The following RAD23B variants were observed in gnomAD, a reference collection of about 807,000 sequenced individuals.
RAD23B encodes RAD23 nucleotide excision repair protein B.
RAD23B carries 5 observed loss-of-function variants against 49.1 expected under a neutral mutation model. The ratio of observed to expected loss-of-function variants is 0.10; its 90% confidence interval spans 0.05 to 0.21. The LOEUF is 0.21. RAD23B is among the 10% of genes least tolerant of loss of function. The pLI is 1.00. For synonymous variants in RAD23B, 184 were observed against 165.4 expected (o/e 1.11, Z -0.86); for missense variants, 356 against 486.7 (o/e 0.73, Z 2.53).
In RAD23B at chr9:107,331,817, G is replaced by T. The variant is rs958753049; in HGVS notation, c.*2161G>T. ...AGACAGCTCAGGCCAAGTTTTGATC[G>T]TTCCATACAGTACCTTGTTTATCTG... On this transcript the variant is annotated 3_prime_UTR_variant, in exon 10 of 10. Transcript: ENST00000358015. 8.2e-6 allele frequency: 6 copies of T among 734,578 alleles called. No homozygotes were observed. The African/African-American group carries it at 1.1e-4, about 13-fold the overall frequency. 45.5% of individuals were successfully genotyped at this position (734,578 alleles called of 1,614,324 possible).
chr9:107,306,940 G>A (rs1826793016), intron 4 of RAD23B, among the ~76,000 whole-genome samples: 1 of 151,344 alleles, frequency 6.6e-6, no homozygotes, highest in African/African-American at 2.4e-5. Context: ...GAAACGTTAG[G>A]AAATACAAAT....
chr9:107,296,864 T>C (rs1826536317), intron 1 of RAD23B, among the ~76,000 whole-genome samples: 1 of 151,490 alleles, frequency 6.6e-6, no homozygotes, highest in South Asian at 2.1e-4. Flanking sequence ...TTGCTTTTTT[T>C]TTTTTTTTTG....
chr9:107,301,967 G>C (rs962356590), intron 2 of RAD23B, 68 bp from the exon 3 acceptor site: 8 of 1,556,036 alleles, frequency 5.1e-6, no homozygotes, highest in African/African-American at 1.4e-5. Flanking sequence ...CGAGTAGAAA[G>C]TTGTTTTAAC....
intron 4 of RAD23B, among the ~76,000 whole-genome samples, chr9:107,309,999 C>T (rs533560010): frequency 6.0e-5 from 9 of 150,946 alleles, no homozygotes; most frequent in East Asian, 5.8e-4. Flanking sequence ...TGTGTCTTAC[C>T]GGATTTTAAA....
At position 107,330,045 on chromosome 9, in the gene RAD23B, A is replaced by G. The variant is rs1827279890; in HGVS notation, c.*389A>G. The G allele has an allele frequency of 6.5e-6, 1 of 153,530 alleles. No homozygotes were observed. Among genetic ancestry groups the G allele is most frequent in the African/African-American group, 2.4e-5 (1 of 41,498 alleles). The allele number at this position is 153,530 out of a possible 1,614,324, so 9.5% of individuals were successfully genotyped here. A position where few individuals can be genotyped will look rare whatever the true frequency, so the allele number is the denominator to read the frequency against. ...GTTTCAGAAAGAATCTTAGCTACCT[A>G]GAATTTACAGTCTCTGTTTCATGGC... On this transcript the variant is annotated 3_prime_UTR_variant, in exon 10 of 10. Coordinates refer to ENST00000358015, the MANE Select transcript of RAD23B (RefSeq NM_002874.5). The surrounding 1 kb of genome is among the most constrained non-coding windows in gnomAD (Gnocchi z 4.4).
intron 7 of RAD23B, among the ~76,000 whole-genome samples, 187 bp from the exon 8 acceptor site, chr9:107,323,703 T>A (rs189743343): frequency 1.3e-5 from 2 of 152,294 alleles, no homozygotes; most frequent in East Asian, 3.9e-4. Context: ...ATAGGAGTAA[T>A]TTTTGCCGTA....
At chr9:107,317,528 A>G (rs1827020754) in intron 5 of RAD23B, among the ~76,000 whole-genome samples, 1 of 152,028 alleles carries the variant, frequency 6.6e-6, no homozygotes, top group Admixed American at 6.6e-5. Context: ...TGGTTCCTCA[A>G]AGAGGAATTA....
At chr9:107,329,483 T>G (rs1303099745) in intron 9 of RAD23B, 60 bp from the exon 10 acceptor site, 1 of 1,088,210 alleles carries the variant, frequency 9.2e-7, no homozygotes, top group Non-Finnish European at 1.4e-6. Context: ...AATATGTAAA[T>G]AAAATTAAAT....
At chr9:107,322,314 T>C (rs1436896870) in intron 7 of RAD23B, among the ~76,000 whole-genome samples, 196 bp downstream of exon 7, 2 of 152,264 alleles carry the variant, frequency 1.3e-5, no homozygotes, top group Admixed American at 6.5e-5. Context: ...CTTGCTGATA[T>C]TAAACATCAG....
intron 1 of RAD23B, among the ~76,000 whole-genome samples, chr9:107,295,589 C>T (rs1016753278): frequency 1.3e-5 from 2 of 152,128 alleles, no homozygotes; most frequent in Non-Finnish European, 2.9e-5. Context: ...GCAGACAGTA[C>T]GAGAGGATGC....
rs945015121 is a variant in RAD23B, at chr9:107,318,332, A to G, written c.554-420A>G. 2.6e-5 allele frequency among the ~76,000 whole-genome samples: 4 copies of G among 152,074 alleles called. No homozygotes were observed. The highest frequency in any genetic ancestry group is 9.7e-5 in the African/African-American group (4 of 41,392). On this transcript the variant is annotated intron_variant, in intron 5 of 9. Coordinates refer to ENST00000358015, the MANE Select transcript of RAD23B (RefSeq NM_002874.5). The surrounding 1 kb of genome is among the most constrained non-coding windows in gnomAD (Gnocchi z 4.3). The stretch of plus-strand genomic sequence containing the variant: ...CTGGTAGCCCCTTTCTGCATCTTCA[A>G]AGGCAACAGCATAACATCTCTCATC...
chr9:107,331,999 A>G lies in RAD23B; in HGVS notation c.*2343A>G. Reference sequence around the variant, plus strand: ...TTCGAGGTATACTGTCATTTCTTGAAATCTTTTTCTCGTTTAGTTGCTCTG... The same window carrying G: ...TTCGAGGTATACTGTCATTTCTTGAGATCTTTTTCTCGTTTAGTTGCTCTG... On this transcript the variant is annotated 3_prime_UTR_variant, in exon 10 of 10. Transcript: ENST00000358015. 1 of 388,466 alleles carries G rather than the reference A, an allele frequency of 2.6e-6. No individual in the cohort carries two copies. The highest frequency in any genetic ancestry group is 1.2e-4 in the South Asian group (1 of 8,376). The allele number at this position is 388,466 out of a possible 1,614,324, so 24.1% of individuals were successfully genotyped here.
Position 107,331,825 on chromosome 9 carries a change from C to CT in RAD23B, c.*2169_*2170insT. 1.5e-6 allele frequency: 1 copy of CT among 688,726 alleles called. No individual in the cohort carries two copies. The highest frequency in any genetic ancestry group is 2.3e-5 in the Admixed American group (1 of 43,706). 42.7% of individuals were successfully genotyped at this position (688,726 alleles called of 1,614,324 possible). ...CAGGCCAAGTTTTGATCGTTCCATA[C>CT]AGTACCTTGTTTATCTGCTTCTTAA... is the stretch of plus-strand genomic sequence containing the variant. On this transcript the variant is annotated 3_prime_UTR_variant, in exon 10 of 10. Coordinates refer to ENST00000358015, the MANE Select transcript of RAD23B (RefSeq NM_002874.5).
chr9:107,301,994 GATT>G (rs1184028412), intron 2 of RAD23B, 38 bp from the exon 3 acceptor site: 1 of 1,600,630 alleles, frequency 6.2e-7, no homozygotes, highest in Non-Finnish European at 8.5e-7. Flanking sequence ...GTAAGAGAAA[GATT>G]ATGCCTTAAA....
At chr9:107,306,110 ATTAAC>A (rs1297064452) in intron 3 of RAD23B, among the ~76,000 whole-genome samples, 1 of 130,524 alleles carries the variant, frequency 7.7e-6, no homozygotes, top group African/African-American at 2.7e-5. Flanking sequence ...TTTATTTTAT[ATTAAC>A]TTGATATGAA....
At chr9:107,328,128 A>T (rs1006531916) in intron 9 of RAD23B, among the ~76,000 whole-genome samples, 4 of 152,016 alleles carry the variant, frequency 2.6e-5, no homozygotes, top group Non-Finnish European at 5.9e-5. Context: ...CCTTTACTTC[A>T]CCTATCCTAG....
At chr9:107,284,713 C>T (rs1833239562) in intron 1 of RAD23B, 1 of 1,119,782 alleles carries the variant, frequency 8.9e-7, no homozygotes, top group South Asian at 2.2e-5. Flanking sequence ...AAGTTTAAAC[C>T]AGCAGCTTTC....
chr9:107,307,505 A>G (rs761901694), intron 4 of RAD23B, among the ~76,000 whole-genome samples: 5 of 152,202 alleles, frequency 3.3e-5, no homozygotes, highest in African/African-American at 4.8e-5. Flanking sequence ...AGCTGTTTGT[A>G]TTTTGTGACT....
chr9:107,304,356 A>C (rs2133077625), intron 3 of RAD23B, among the ~76,000 whole-genome samples: 1 of 152,318 alleles, frequency 6.6e-6, no homozygotes, highest in South Asian at 2.1e-4. Flanking sequence ...TTGGTGCTTA[A>C]GACTCTAAAT....
Sources: gnomAD v4.1 joint callset for allele counts (sites outside exome capture counted in the v4.1 genomes callset) on GRCh38, gnomAD v4.1.1 for gene constraint, Gnocchi (gnomAD v3.1) non-coding constraint, MANE v1.5 for transcripts, NCBI Gene and HGNC (gene_info 2026-07-23, HGNC 2026-07-21) for gene names.